The following AKAP9 variants were observed in gnomAD, a reference collection of about 807,000 sequenced individuals.
AKAP9 encodes A-kinase anchoring protein 9.
A neutral mutation model predicts 488.5 loss-of-function variants in AKAP9; 311 were observed. That is an observed-to-expected ratio of 0.64 (90% CI 0.58 to 0.70). The LOEUF (loss-of-function observed/expected upper bound fraction) is 0.70, where lower values mean the gene tolerates loss of function less well. Ranked by LOEUF, AKAP9 falls within the 30% of genes least tolerant of loss-of-function variation. The pLI, the probability that AKAP9 is intolerant of heterozygous loss-of-function variation, is 0.00. For synonymous variants in AKAP9, 1,462 were observed against 1,483.5 expected (o/e 0.99, Z 0.33); for missense variants, 4,215 against 4,374.5 (o/e 0.96, Z 1.03).
chr7:91,976,998 T>C (rs932549517), intron 2 of AKAP9, among the ~76,000 whole-genome samples: 1 of 152,164 alleles, frequency 6.6e-6, no homozygotes, highest in South Asian at 2.1e-4. Flanking sequence ...GTGGCTCATA[T>C]CTGTAATCCC....
At chr7:92,060,188 G>C (rs1265961454) in intron 22 of AKAP9, among the ~76,000 whole-genome samples, 5 of 152,006 alleles carry the variant, frequency 3.3e-5, no homozygotes. Flanking sequence ...GTATTATCAT[G>C]ATTTTGTAAT....
intron 31 of AKAP9, among the ~76,000 whole-genome samples, chr7:92,081,793 T>G (rs1255925116): frequency 6.6e-6 from 1 of 152,112 alleles, no homozygotes; most frequent in African/African-American, 2.4e-5. Flanking sequence ...ATTCTCACCT[T>G]ATAAATTTAT....
chr7:91,984,460 GA>G (rs1796816241), intron 3 of AKAP9, among the ~76,000 whole-genome samples: 1 of 152,130 alleles, frequency 6.6e-6, no homozygotes, highest in Non-Finnish European at 1.5e-5. Flanking sequence ...TGTTATTTCT[GA>G]GGCCTGTGTT....
chr7:91,973,952 A>C lies in AKAP9; in HGVS notation c.290A>C (p.Gln97Pro). ...LHSGEITSHE[Q>P]GFSVELESEI... ...AGTGGAGAAATAACCAGTCATGAGC[A>C]GGGCTTCTCTGTGGAAGTAAGTATT... Residue 97 changes from glutamine to proline, a missense_variant, in exon 2 of 50, where the codon CAG (glutamine) becomes CCG (proline). By Grantham distance (76) the Gln-to-Pro change is moderately conservative. Coordinates refer to ENST00000356239, the MANE Select transcript of AKAP9 (RefSeq NM_005751.5). 6.2e-7 allele frequency: 1 copy of C among 1,614,054 alleles called. No individual in the cohort carries two copies. The highest frequency in any genetic ancestry group is 1.1e-5 in the South Asian group (1 of 91,066).
chr7:92,013,244 G>A (rs1801029606), intron 9 of AKAP9, among the ~76,000 whole-genome samples: 3 of 151,810 alleles, frequency 2.0e-5, no homozygotes, highest in Non-Finnish European at 4.4e-5. Flanking sequence ...GCCCGCCTCG[G>A]CCTCCCAAAG....
rs1276081696 is a variant in AKAP9, at chr7:91,975,930, T to G, written c.306+1962T>G. 7.4e-4 allele frequency among the ~76,000 whole-genome samples: 111 copies of G among 150,076 alleles called. 2 individuals carry two copies. Among genetic ancestry groups the G allele is most frequent in the Middle Eastern group, 3.4e-3 (1 of 290 alleles). ...TGTTTTTTGTTTGTTTGTTTGTTTT[T>G]TTTTTTTTTGAGACAAAGTCTCGCT... On this transcript the variant is annotated intron_variant, in intron 2 of 49. Coordinates refer to ENST00000356239, the MANE Select transcript of AKAP9 (RefSeq NM_005751.5).
At chr7:92,098,337 T>A (rs966055895) in intron 43 of AKAP9, 123 bp downstream of exon 43, 1 of 607,388 alleles carries the variant, frequency 1.6e-6, no homozygotes, top group African/African-American at 1.9e-5. Flanking sequence ...ATCTTTTTAT[T>A]TATTTTAAAT....
At chr7:92,109,136 A>G (rs1818982236) in intron 49 of AKAP9, 1 of 228,948 alleles carries the variant, frequency 4.4e-6, no homozygotes, top group Non-Finnish European at 8.8e-6. Context: ...TAATGTAACC[A>G]TTATCCCTGC....
chr7:92,100,817 T>C (rs1817407081), intron 44 of AKAP9, 39 bp from the exon 45 acceptor site: 2 of 1,611,076 alleles, frequency 1.2e-6, no homozygotes, highest in South Asian at 2.2e-5. Flanking sequence ...CTCAGACTTT[T>C]CTTCAGAGAC....
In AKAP9 at chr7:92,014,239, G is replaced by A. The variant is rs1450498149; in HGVS notation, c.3533-10G>A. 1.9e-6 allele frequency: 3 copies of A among 1,588,374 alleles called. No homozygotes were observed. The highest frequency in any genetic ancestry group is 2.6e-6 in the Non-Finnish European group (3 of 1,157,042). On this transcript the variant is annotated splice_polypyrimidine_tract_variant and intron_variant, in intron 9 of 49. Coordinates refer to ENST00000356239, the MANE Select transcript of AKAP9 (RefSeq NM_005751.5). ...AATTGAATTTCTTAATCCATTATCT[G>A]TTCTATTAGGTGATGAAGGAAAGCC... is the stretch of plus-strand genomic sequence containing the variant.
chr7:91,971,791 G>A (rs558033158), intron 1 of AKAP9, among the ~76,000 whole-genome samples: 1 of 151,052 alleles, frequency 6.6e-6, no homozygotes, highest in African/African-American at 2.4e-5. Context: ...GGATGGTCTC[G>A]ATCTCCTGAC....
At chr7:92,040,986 A>T in intron 18 of AKAP9, 88 bp downstream of exon 18, 1 of 1,106,076 alleles carries the variant, frequency 9.0e-7, no homozygotes, top group Non-Finnish European at 1.3e-6. Context: ...AAACAACAGT[A>T]TTTTTTATGT....
chr7:91,986,013 C>G (rs1797040300), intron 3 of AKAP9, among the ~76,000 whole-genome samples: 1 of 152,130 alleles, frequency 6.6e-6, no homozygotes, highest in African/African-American at 2.4e-5. Flanking sequence ...CTTTGTACCT[C>G]TGGTAGAATT....
At chr7:92,044,602 C>T (rs1272431408) in intron 20 of AKAP9, among the ~76,000 whole-genome samples, 3 of 152,116 alleles carry the variant, frequency 2.0e-5, no homozygotes, top group Non-Finnish European at 2.9e-5. Flanking sequence ...GTGCAAAATA[C>T]ATATGTATAA....
intron 2 of AKAP9, among the ~76,000 whole-genome samples, chr7:91,978,350 T>A (rs991781698): frequency 1.3e-5 from 2 of 152,096 alleles, no homozygotes; most frequent in African/African-American, 4.8e-5. Context: ...TACTACTTCA[T>A]GGAGAAGGTA....
chr7:91,996,883 A>C (rs1242500591), intron 7 of AKAP9, among the ~76,000 whole-genome samples: 1 of 152,208 alleles, frequency 6.6e-6, no homozygotes. Flanking sequence ...GCAGTATTCA[A>C]AGCATCTTAT....
Position 92,029,904 on chromosome 7 carries a change from T to G in AKAP9, c.4158T>G (p.Val1386=), listed in dbSNP as rs770220607. 3 of 1,612,000 alleles carry G rather than the reference T, an allele frequency of 1.9e-6. No homozygotes were observed. The highest frequency in any genetic ancestry group is 1.1e-5 in the South Asian group (1 of 91,058). Residue 1386 remains valine (V), a synonymous_variant, in exon 15 of 50, where the codon GTT becomes GTG. Coordinates refer to ENST00000356239, the MANE Select transcript of AKAP9 (RefSeq NM_005751.5). The part of the protein sequence containing the change: ...SESTVPPSLP[V]DSVVITESDA... ...TTTTATTTATATTCAGCTTACCTGT[T>G]GATTCGGTGGTAATTACAGAATCTG...
chr7:92,024,182 C>A (rs1431740091), intron 14 of AKAP9, among the ~76,000 whole-genome samples: 1 of 151,426 alleles, frequency 6.6e-6, no homozygotes, highest in African/African-American at 2.4e-5. Flanking sequence ...GAAGCTGAGG[C>A]AGGCAGATTA....
intron 8 of AKAP9, among the ~76,000 whole-genome samples, chr7:92,003,858 A>G (rs918486591): frequency 1.3e-5 from 2 of 152,182 alleles, no homozygotes; most frequent in African/African-American, 4.8e-5. Context: ...TTTGCCAGAT[A>G]CTGATATTAA....
Sources: allele counts gnomAD v4.1 joint callset (sites outside exome capture counted in the v4.1 genomes callset), GRCh38; gene constraint gnomAD v4.1.1; transcripts MANE v1.5; gene names NCBI Gene and HGNC (gene_info 2026-07-23, HGNC 2026-07-21).